Variants in TUBGCP4 observed in about 807,000 individuals in gnomAD.
TUBGCP4 encodes the protein tubulin gamma complex component 4.
TUBGCP4 carries 54 observed loss-of-function variants against 91.6 expected under a neutral mutation model. The observed-to-expected ratio is 0.59, with a 90% CI of 0.47 to 0.74. TUBGCP4 has a LOEUF of 0.74. Among genes scored for constraint, TUBGCP4 ranks in the 30% least tolerant of loss-of-function variants. The probability of loss-of-function intolerance (pLI) is 0.00; values close to 1 mark genes in which losing one functional copy is unlikely to be tolerated. For missense variants in TUBGCP4, 593 were observed against 800.9 expected (o/e 0.74, Z 3.13); for synonymous variants, 297 against 302.8 (o/e 0.98, Z 0.20).
intron 6 of TUBGCP4, among the ~76,000 whole-genome samples, chr15:43,380,920 A>G (rs973259209): frequency 6.6e-6 from 1 of 152,176 alleles, no homozygotes; most frequent in African/African-American, 2.4e-5. Context: ...AAAAATTATA[A>G]TAGATGATCC....
At chr15:43,403,408 G>A (rs1274144924) in intron 15 of TUBGCP4, 2 of 286,332 alleles carry the variant, frequency 7.0e-6, no homozygotes, top group Non-Finnish European at 1.3e-5. Context: ...ACACTCTGCG[G>A]GTCTAAGAAA....
At position 43,405,250 on chromosome 15, in the gene TUBGCP4, T is replaced by C. The variant is rs1416324678; in HGVS notation, c.*36T>C. 2.5e-6 allele frequency: 4 copies of C among 1,611,844 alleles called. No individual in the cohort carries two copies. The African/African-American group carries it at 5.3e-5, about 22-fold the overall frequency. On this transcript the variant is annotated 3_prime_UTR_variant, in exon 18 of 18. Transcript: ENST00000564079. ...CTCATAAATTGAAATAACAGCCACG[T>C]TCCCAAGGTTGTAACAGAAGATTCA...
intron 17 of TUBGCP4, 64 bp from the exon 18 acceptor site, chr15:43,405,138 T>C: frequency 1.9e-6 from 3 of 1,574,216 alleles, no homozygotes; most frequent in Non-Finnish European, 2.6e-6. Flanking sequence ...TCCTGATTCA[T>C]ATTTCTTTGA....
At position 43,406,230 on chromosome 15, in the gene TUBGCP4, G is replaced by A. The variant is rs540676048; in HGVS notation, c.*1016G>A. 4.8e-4 allele frequency: 89 copies of A among 184,436 alleles called. No homozygotes were observed. Among genetic ancestry groups the A allele is most frequent in the African/African-American group, 2.1e-3 (88 of 42,212 alleles). 11.4% of individuals were successfully genotyped at this position (184,436 alleles called of 1,614,324 possible). On this transcript the variant is annotated 3_prime_UTR_variant, in exon 18 of 18. Transcript: ENST00000564079. ...TCACTGGTAATCAATATTCATATCA[G>A]TGTAAGTAAAAAGAAATATTCACTG...
At chr15:43,383,580 A>G in intron 7 of TUBGCP4, 76 bp downstream of exon 7, 1 of 1,351,132 alleles carries the variant, frequency 7.4e-7, no homozygotes, top group Non-Finnish European at 1.0e-6. Flanking sequence ...TCTTCTGGTG[A>G]TCCCTTCTTA....
intron 9 of TUBGCP4, 170 bp from the exon 10 acceptor site, chr15:43,394,937 T>G: frequency 1.4e-6 from 1 of 696,890 alleles, no homozygotes; most frequent in Admixed American, 2.3e-5. Flanking sequence ...AAGGTATTCT[T>G]TACAGCAGTG....
intron 5 of TUBGCP4, among the ~76,000 whole-genome samples, chr15:43,378,256 AG>A (rs1329594096): frequency 6.6e-6 from 1 of 152,202 alleles, no homozygotes; most frequent in Non-Finnish European, 1.5e-5. Context: ...AGAAGGTAAT[AG>A]GTTTATGGTT....
At chr15:43,371,496 G>A in intron 1 of TUBGCP4, 64 bp downstream of exon 1, 2 of 1,534,584 alleles carry the variant, frequency 1.3e-6, no homozygotes, top group Non-Finnish European at 9.0e-7. Context: ...GCCAGCGCCT[G>A]GGGGAGTAGG....
At chr15:43,401,544 A>C (rs1237726652) in intron 14 of TUBGCP4, among the ~76,000 whole-genome samples, 172 bp from the exon 15 acceptor site, 1 of 152,084 alleles carries the variant, frequency 6.6e-6, no homozygotes, top group Non-Finnish European at 1.5e-5. Context: ...TATGCAAATA[A>C]CTTCCTACAA....
At chr15:43,396,704 C>T (rs1301155854) in intron 11 of TUBGCP4, among the ~76,000 whole-genome samples, 2 of 152,154 alleles carry the variant, frequency 1.3e-5, no homozygotes, top group Non-Finnish European at 2.9e-5. Context: ...ACCTTTAGGA[C>T]TTGGTCTCTT....
intron 1 of TUBGCP4, among the ~76,000 whole-genome samples, chr15:43,374,541 G>A (rs989581587): frequency 2.0e-5 from 3 of 152,068 alleles, no homozygotes; most frequent in Non-Finnish European, 4.4e-5. Flanking sequence ...GAACCTAGGG[G>A]TTCAAGGTTA....
At chr15:43,397,913 T>C (rs1029762392) in intron 12 of TUBGCP4, 128 bp from the exon 13 acceptor site, 4 of 904,566 alleles carry the variant, frequency 4.4e-6, no homozygotes, top group Non-Finnish European at 6.6e-6. Context: ...GGTTTCACTG[T>C]ATTGCCCAGA....
At chr15:43,388,226 A>G (rs909585146) in intron 9 of TUBGCP4, among the ~76,000 whole-genome samples, 3 of 152,212 alleles carry the variant, frequency 2.0e-5, no homozygotes, top group Non-Finnish European at 4.4e-5. Context: ...AGACAGGACT[A>G]AAAAGCAGTG....
chr15:43,407,910 G>T lies in TUBGCP4; in HGVS notation c.*2696G>T. The stretch of plus-strand genomic sequence containing the variant: ...ACCTACAGGTCTAAGGAGATCCCTG[G>T]AACAAAGACACTACACACACTCTTT... On this transcript the variant is annotated 3_prime_UTR_variant, in exon 18 of 18. Coordinates refer to ENST00000564079, the MANE Select transcript of TUBGCP4 (RefSeq NM_014444.5). 1 of 1,595,336 alleles carries T rather than the reference G, an allele frequency of 6.3e-7. No homozygotes were observed. The highest frequency in any genetic ancestry group is 8.5e-7 in the Non-Finnish European group (1 of 1,173,948).
At position 43,404,480 on chromosome 15, in the gene TUBGCP4, C is replaced by T; in HGVS notation, c.1916C>T (p.Ser639Leu). ...AGTGTTCGGAATCATCAGATCAACT[C>T]AGATTTGGCTCAACTACTGTTACGA... ...LSSVRNHQIN[S>L]DLAQLLLRLD... is the part of the protein sequence containing the mutation. The change falls in exon 17 of 18, where the codon TCA becomes TTA. Residue 639 changes from serine (S) to leucine (L), a missense_variant. Ser to Leu is a moderately radical substitution (Grantham distance 145). Coordinates refer to ENST00000564079, the MANE Select transcript of TUBGCP4 (RefSeq NM_014444.5). 1 of 1,614,172 alleles carries T rather than the reference C, an allele frequency of 6.2e-7. No individual in the cohort carries two copies. Among genetic ancestry groups the T allele is most frequent in the Non-Finnish European group, 8.5e-7 (1 of 1,180,018 alleles).
chr15:43,395,255 C>A lies in TUBGCP4; in HGVS notation c.1065+98C>A, dbSNP rs1212127144. ...AGAGCACTGGTTGCCTATACCCAGA[C>A]TTCCAGAGTCAACTCATTTGTTCTT... On this transcript the variant is annotated intron_variant, in intron 10 of 17. Transcript: ENST00000564079. 1.4e-5 allele frequency: 19 copies of A among 1,324,062 alleles called. No individual in the cohort carries two copies. In the African/African-American group the frequency reaches 2.3e-4, roughly 16 times the overall value. 82.0% of individuals were successfully genotyped at this position (1,324,062 alleles called of 1,614,324 possible). A position where few individuals can be genotyped will look rare whatever the true frequency, so the allele number is the denominator to read the frequency against.
intron 13 of TUBGCP4, chr15:43,398,429 G>C (rs2142869601): frequency 3.1e-6 from 1 of 322,742 alleles, no homozygotes; most frequent in East Asian, 5.1e-5. Context: ...CACCCAACTA[G>C]TTTTTAACAA....
chr15:43,385,051 AGTG>A (rs1481442064), intron 7 of TUBGCP4, among the ~76,000 whole-genome samples: 1 of 152,170 alleles, frequency 6.6e-6, no homozygotes, highest in East Asian at 1.9e-4. Flanking sequence ...CTGGGCAAGT[AGTG>A]ACGATAGGGG....
intron 17 of TUBGCP4, 107 bp downstream of exon 17, chr15:43,404,659 A>T: frequency 8.2e-7 from 1 of 1,226,418 alleles, no homozygotes; most frequent in East Asian, 2.4e-5. Flanking sequence ...CCCTCATTTT[A>T]TAAGTAAGGC....
Sources: allele counts gnomAD v4.1 joint callset (sites outside exome capture counted in the v4.1 genomes callset), GRCh38; gene constraint gnomAD v4.1.1; transcripts MANE v1.5; gene names NCBI Gene and HGNC (gene_info 2026-07-23, HGNC 2026-07-21).